DPP9: variants seen among roughly 807,000 people sequenced by gnomAD.
The protein encoded by DPP9 is dipeptidyl peptidase 9, also known as dipeptidyl peptidase IV-related protein-2.
In DPP9, 50 loss-of-function variants were observed where a neutral mutation model predicts 110.7. The observed-to-expected ratio is 0.45, with a 90% CI of 0.36 to 0.57. The LOEUF (loss-of-function observed/expected upper bound fraction) is 0.57. DPP9 is among the 20% of genes least tolerant of loss of function. The pLI, the probability that DPP9 is intolerant of heterozygous loss-of-function variation, is 0.00. For missense variants in DPP9, 1,022 were observed against 1,217.9 expected (o/e 0.84, Z 2.39); for synonymous variants, 561 against 514.4 (o/e 1.09, Z -1.23).
chr19:4,691,344 C>T (rs893946394), intron 13 of DPP9, among the ~76,000 whole-genome samples: 2 of 151,780 alleles, frequency 1.3e-5, no homozygotes, highest in African/African-American at 4.8e-5. Flanking sequence ...GGCGTGGTGG[C>T]GTGTGCCTGT....
Position 4,695,514 on chromosome 19 carries a change from T to C in DPP9, c.1217A>G (p.Gln406Arg). The C allele has an allele frequency of 6.5e-7, 1 of 1,530,922 alleles. No individual in the cohort carries two copies. Among genetic ancestry groups the C allele is most frequent in the Non-Finnish European group, 8.8e-7 (1 of 1,141,276 alleles). The allele number at this position is 1,530,922 out of a possible 1,614,324, so 94.8% of individuals were successfully genotyped here. A position where few individuals can be genotyped will look rare whatever the true frequency, so the allele number is the denominator to read the frequency against. ...MFLDRPQQWL[Q>R]LVLLPPALFI... is the part of the protein sequence containing the mutation. ...CAGGGCCGGGGGGAGGAGGACGAGC[T>C]GGAGCCACTGCTGGGGCCGGTCCAG... The change falls in exon 12 of 22, where the codon CAG becomes CGG. Residue 406 changes from glutamine to arginine, a missense_variant. By Grantham distance (43) the Gln-to-Arg change is conservative. This residue lies in a region of DPP9 where 810 missense variants were observed against 920.6 expected (regional missense o/e 0.88). Transcript: ENST00000262960. The surrounding 1 kb of genome is among the most constrained non-coding windows in gnomAD (Gnocchi z 4.7).
chr19:4,709,463 A>T (rs1317898383), intron 4 of DPP9, among the ~76,000 whole-genome samples: 1 of 152,126 alleles, frequency 6.6e-6, no homozygotes, highest in African/African-American at 2.4e-5. Flanking sequence ...GAGCAAAAGA[A>T]CGCAAGTGCT....
rs1374077705 is a variant in DPP9 at position 4,705,890 on chromosome 19, G to A, written c.394C>T (p.Leu132=). Residue 132 remains leucine (L), a synonymous_variant, in exon 5 of 22, where the codon CTG becomes TTG. Coordinates refer to ENST00000262960, the MANE Select transcript of DPP9 (RefSeq NM_139159.5). The part of the protein sequence containing the change: ...KKVRKEALLL[L]SWKQMLDHFQ... ...TGATCCAGCATCTGCTTCCAGGACA[G>A]GAGCAGCAGAGCCTCTTTCCGGACC... 1.2e-6 allele frequency: 2 copies of A among 1,613,898 alleles called. No homozygotes were observed. Among genetic ancestry groups the A allele is most frequent in the Non-Finnish European group, 1.7e-6 (2 of 1,179,868 alleles).
intron 4 of DPP9, among the ~76,000 whole-genome samples, chr19:4,708,413 G>C (rs1002656394): frequency 6.6e-6 from 1 of 152,168 alleles, no homozygotes; most frequent in Non-Finnish European, 1.5e-5. Flanking sequence ...ATCTGGGGAC[G>C]GTTCAGGGCA....
At chr19:4,697,516 G>T (rs2091902398) in intron 11 of DPP9, 35 bp downstream of exon 11, 1 of 1,584,804 alleles carries the variant, frequency 6.3e-7, no homozygotes, top group African/African-American at 1.3e-5. Context: ...GGGCCCTGCA[G>T]GTGAATTCCT....
chr19:4,710,570 C>T lies in DPP9; in HGVS notation c.313+3511G>A, dbSNP rs184964359. Among the ~76,000 whole-genome samples the T allele has an allele frequency of 2.6e-5, 4 of 152,328 alleles. No individual in the cohort carries two copies. Among genetic ancestry groups the T allele is most frequent in the African/African-American group, 7.2e-5 (3 of 41,574 alleles). On this transcript the variant is annotated intron_variant, in intron 4 of 21. Transcript: ENST00000262960. This position sits in a 1 kb window ranked among gnomAD's most constrained non-coding sequence, Gnocchi z 5.6. ...TCATGTGGATCTGAAAGAGCCTTTC[C>T]GGAGGGGCCCAGTGATTAGCTCCAC...
intron 4 of DPP9, among the ~76,000 whole-genome samples, chr19:4,706,281 GA>G (rs1478228146): frequency 6.7e-6 from 1 of 148,338 alleles, no homozygotes; most frequent in Non-Finnish European, 1.5e-5. Flanking sequence ...AGGACTGCCT[GA>G]GCCCAGGAGT....
In DPP9 at chr19:4,687,025, G is replaced by A. The variant is rs772619662; in HGVS notation, c.1886-1254C>T. ...TGGGAGTTTCGGGAAACAGTGCCTC[G>A]TTCCCCAGGGCACTGAGGTTCTGGT... On this transcript the variant is annotated intron_variant, in intron 16 of 21. Transcript: ENST00000262960. The surrounding 1 kb of genome is among the most constrained non-coding windows in gnomAD (Gnocchi z 4.7). Among the ~76,000 whole-genome samples the A allele has an allele frequency of 7.2e-5, 11 of 152,132 alleles. No homozygotes were observed. Among genetic ancestry groups the A allele is most frequent in the Non-Finnish European group, 8.8e-5 (6 of 68,014 alleles).
rs1310826279 is a variant in DPP9 at position 4,693,558 on chromosome 19, C to A, written c.1516+1103G>T. On this transcript the variant is annotated intron_variant, in intron 13 of 21. Transcript: ENST00000262960. This position sits in a 1 kb window ranked among gnomAD's most constrained non-coding sequence, Gnocchi z 5.0. ...CCATGCCGCCTCCCTCCTCTCTGAT[C>A]CCCCACCCTTTCCACTGCAAACGGT... 6.6e-6 allele frequency among the ~76,000 whole-genome samples: 1 copy of A among 152,164 alleles called. No individual in the cohort carries two copies. The highest frequency in any genetic ancestry group is 1.9e-4 in the East Asian group (1 of 5,192).
chr19:4,689,170 T>C lies in DPP9; in HGVS notation c.1750-278A>G, dbSNP rs570201847. Among the ~76,000 whole-genome samples the C allele has an allele frequency of 1.3e-5, 2 of 152,346 alleles. No individual in the cohort carries two copies. The highest frequency in any genetic ancestry group is 4.8e-5 in the African/African-American group (2 of 41,584). On this transcript the variant is annotated intron_variant, in intron 15 of 21. Transcript: ENST00000262960. This position sits in a 1 kb window ranked among gnomAD's most constrained non-coding sequence, Gnocchi z 7.0. ...CTGGATCTGCCGAGGGCTCTGCCAC[T>C]GCACAGGCCTGCAAGCTTGCTGGCT... is the stretch of plus-strand genomic sequence containing the variant.
chr19:4,714,403 GC>G, intron 3 of DPP9, 66 bp from the exon 4 acceptor site: 5 of 1,440,330 alleles, frequency 3.5e-6, no homozygotes, highest in Non-Finnish European at 3.6e-6. Flanking sequence ...CCCCAATGCT[GC>G]CCCTTGCGAG....
At chr19:4,683,029 C>T in intron 19 of DPP9, 191 bp from the exon 20 acceptor site, 1 of 1,519,020 alleles carries the variant, frequency 6.6e-7, no homozygotes. Flanking sequence ...TGGGGGTGGG[C>T]AGGGCGCCAC....
chr19:4,704,360 T>C lies in DPP9; in HGVS notation c.427-56A>G. 6.4e-7 allele frequency: 1 copy of C among 1,567,252 alleles called. No homozygotes were observed. Among genetic ancestry groups the C allele is most frequent in the African/African-American group, 1.3e-5 (1 of 74,168 alleles). ...TCAGTGGGCAAAGAGGATCTCCCGCTGGCCAGGGCAGAGATCCTCGGGCTG... is the reference window on the plus strand; with the variant it reads ...TCAGTGGGCAAAGAGGATCTCCCGCCGGCCAGGGCAGAGATCCTCGGGCTG... On this transcript the variant is annotated intron_variant, in intron 5 of 21. Coordinates refer to ENST00000262960, the MANE Select transcript of DPP9 (RefSeq NM_139159.5). The surrounding 1 kb of genome is among the most constrained non-coding windows in gnomAD (Gnocchi z 6.0).
intron 4 of DPP9, among the ~76,000 whole-genome samples, chr19:4,712,611 T>C (rs1414483092): frequency 5.3e-5 from 8 of 152,136 alleles, no homozygotes; most frequent in African/African-American, 9.7e-5. Context: ...GTGGGCCATA[T>C]GACCTCTGTT....
chr19:4,688,415 A>C (rs2090996357), intron 16 of DPP9: 1 of 270,210 alleles, frequency 3.7e-6, no homozygotes, highest in African/African-American at 2.2e-5. Flanking sequence ...GCTGATGAAA[A>C]TGTTTACTTG....
At chr19:4,686,264 T>C (rs2090694488) in intron 16 of DPP9, among the ~76,000 whole-genome samples, 1 of 152,058 alleles carries the variant, frequency 6.6e-6, no homozygotes, top group South Asian at 2.1e-4. Flanking sequence ...AATGTTTTTG[T>C]ATTTTTAGTA....
intron 21 of DPP9, chr19:4,679,530 G>A: frequency 2.5e-6 from 1 of 403,604 alleles, no homozygotes; most frequent in East Asian, 4.9e-5. Context: ...CCGTCTGCGG[G>A]GCAATTTCGG....
chr19:4,689,803 G>A lies in DPP9; in HGVS notation c.1597-81C>T, dbSNP rs2091146398. 3 of 1,412,350 alleles carry A rather than the reference G, an allele frequency of 2.1e-6. No individual in the cohort carries two copies. The highest frequency in any genetic ancestry group is 2.8e-6 in the Non-Finnish European group (3 of 1,058,362). The allele number at this position is 1,412,350 out of a possible 1,614,324, so 87.5% of individuals were successfully genotyped here. ...CCCTCTCCACGCCCCACAGGAGTGG[G>A]CCCCATGTTCCTCGGACTGGGGACG... On this transcript the variant is annotated intron_variant, in intron 14 of 21. Transcript: ENST00000262960. The surrounding 1 kb of genome is among the most constrained non-coding windows in gnomAD (Gnocchi z 7.0).
rs748388637 is a variant in DPP9, at chr19:4,688,785, G to C, written c.1857C>G (p.Arg619=). 10 of 1,468,008 alleles carry C rather than the reference G, an allele frequency of 6.8e-6. No individual in the cohort carries two copies. The highest frequency in any genetic ancestry group is 1.8e-4 in the Middle Eastern group (1 of 5,560). 90.9% of individuals were successfully genotyped at this position (1,468,008 alleles called of 1,614,324 possible). A position where few individuals can be genotyped will look rare whatever the true frequency, so the allele number is the denominator to read the frequency against. ...CTGCCTCCATCATGCTAGCCCAGAAGCGGGGCTGCTTGTGCAGGGGGTCGT... is the reference window on the plus strand; with the variant it reads ...CTGCCTCCATCATGCTAGCCCAGAACCGGGGCTGCTTGTGCAGGGGGTCGT... ...PDDDPLHKQP[R]FWASMMEAAS... The change falls in exon 16 of 22, where the codon CGC becomes CGG. Residue 619 remains arginine, a synonymous_variant. Transcript: ENST00000262960.
Sources: gnomAD v4.1 joint callset for allele counts (sites outside exome capture counted in the v4.1 genomes callset) on GRCh38, gnomAD v4.1.1 for gene constraint, gnomAD v4.1.1 regional missense constraint, Gnocchi (gnomAD v3.1) non-coding constraint, MANE v1.5 for transcripts, NCBI Gene and HGNC (gene_info 2026-07-23, HGNC 2026-07-21) for gene names.